ITGA8: variants seen among roughly 807,000 people sequenced by gnomAD.
The protein encoded by ITGA8 is integrin subunit alpha 8.
A neutral mutation model predicts 142.3 loss-of-function variants in ITGA8; 91 were observed. The ratio of observed to expected loss-of-function variants is 0.64; its 90% confidence interval spans 0.54 to 0.76. The LOEUF is 0.76. ITGA8 is among the 30% of genes least tolerant of loss of function. The pLI is 0.00. For missense variants in ITGA8, 1,406 were observed against 1,327.7 expected, an observed-to-expected ratio of 1.06 and a Z score of -0.92; for synonymous variants, 505 against 485.2, an observed-to-expected ratio of 1.04 and a Z score of -0.54.
chr10:15,678,904 G>A, intron 4 of ITGA8, 121 bp from the exon 5 acceptor site: 1 of 534,786 alleles, frequency 1.9e-6, no homozygotes, highest in South Asian at 3.4e-5. Context: ...TGATCAATAT[G>A]TGTTTTATGT....
At chr10:15,610,663 G>A (rs765409237) in intron 15 of ITGA8, among the ~76,000 whole-genome samples, 8 of 152,168 alleles carry the variant, frequency 5.3e-5, no homozygotes, top group African/African-American at 1.2e-4. Context: ...ATGATTCTGC[G>A]TTGTGACTGT....
chr10:15,594,138 C>T (rs942312655), intron 21 of ITGA8, among the ~76,000 whole-genome samples: 8 of 152,058 alleles, frequency 5.3e-5, no homozygotes, highest in Non-Finnish European at 1.2e-4. Context: ...AAGGGCCCGG[C>T]CGGATGAATT....
chr10:15,536,330 C>A (rs1833436905), intron 27 of ITGA8, among the ~76,000 whole-genome samples: 2 of 152,108 alleles, frequency 1.3e-5, no homozygotes, highest in African/African-American at 2.4e-5. Flanking sequence ...AAAGAATGCT[C>A]TGGAGCTCCA....
At chr10:15,656,782 C>T (rs548241832) in intron 10 of ITGA8, among the ~76,000 whole-genome samples, 1 of 152,252 alleles carries the variant, frequency 6.6e-6, no homozygotes, top group African/African-American at 2.4e-5. Context: ...AGTTTGCTTC[C>T]ATAGTGTGCC....
chr10:15,575,042 C>T (rs1036409957), intron 24 of ITGA8, among the ~76,000 whole-genome samples: 1 of 152,078 alleles, frequency 6.6e-6, no homozygotes, highest in Non-Finnish European at 1.5e-5. Context: ...CCACTACACC[C>T]CACTGCAGTA....
chr10:15,668,659 G>GCA (rs1554784895), intron 8 of ITGA8, among the ~76,000 whole-genome samples: 2 of 151,938 alleles, frequency 1.3e-5, no homozygotes, highest in Non-Finnish European at 2.9e-5. Flanking sequence ...GGCTGGTACT[G>GCA]GTTGTTCCTT....
chr10:15,629,036 A>G (rs1333495677), intron 13 of ITGA8, among the ~76,000 whole-genome samples: 1 of 151,886 alleles, frequency 6.6e-6, no homozygotes, highest in Non-Finnish European at 1.5e-5. Flanking sequence ...GTAACAAAAG[A>G]GAATTTAGGT....
chr10:15,690,865 TA>T (rs1834921292), intron 2 of ITGA8, among the ~76,000 whole-genome samples: 1 of 150,924 alleles, frequency 6.6e-6, no homozygotes. Context: ...ACCAATCCCC[TA>T]AAAAGCTTTT....
intron 25 of ITGA8, among the ~76,000 whole-genome samples, chr10:15,571,700 C>G (rs1010975373): frequency 5.9e-5 from 9 of 152,162 alleles, no homozygotes; most frequent in African/African-American, 1.7e-4. Context: ...AAGCACGGCT[C>G]TAGGCTTTAA....
intron 22 of ITGA8, 125 bp downstream of exon 22, chr10:15,592,100 T>G (rs1832933149): frequency 1.7e-6 from 1 of 582,952 alleles, no homozygotes; most frequent in South Asian, 2.7e-5. Flanking sequence ...AAATGGGCTG[T>G]GAAAGTCTGG....
chr10:15,528,105 G>T (rs958733907), intron 28 of ITGA8, among the ~76,000 whole-genome samples: 4 of 151,568 alleles, frequency 2.6e-5, no homozygotes, highest in Non-Finnish European at 5.9e-5. Flanking sequence ...TGTTGTTGTT[G>T]TTTGTTTGTT....
chr10:15,623,601 G>A (rs1367255553), intron 13 of ITGA8, among the ~76,000 whole-genome samples: 1 of 152,104 alleles, frequency 6.6e-6, no homozygotes, highest in Non-Finnish European at 1.5e-5. Context: ...CAGGGGAATC[G>A]CTTGAACCCA....
intron 28 of ITGA8, among the ~76,000 whole-genome samples, chr10:15,521,041 C>CA (rs1833057419): frequency 1.3e-5 from 2 of 152,110 alleles, no homozygotes; most frequent in South Asian, 4.1e-4. Context: ...TTTTGTGAGA[C>CA]AGTGTCTCAC....
intron 13 of ITGA8, among the ~76,000 whole-genome samples, chr10:15,621,055 C>T (rs1460585521): frequency 1.3e-5 from 2 of 152,060 alleles, no homozygotes; most frequent in African/African-American, 4.8e-5. Flanking sequence ...TTTGAGATAA[C>T]GGGTCTGATA....
chr10:15,588,509 G>T (rs1832870559), intron 22 of ITGA8, among the ~76,000 whole-genome samples: 1 of 152,112 alleles, frequency 6.6e-6, no homozygotes, highest in Non-Finnish European at 1.5e-5. Flanking sequence ...CCATTAAGAA[G>T]TAATTAAGTA....
chr10:15,517,075 C>T lies in ITGA8; in HGVS notation c.*83G>A, dbSNP rs531468585. 2.7e-5 allele frequency: 27 copies of T among 994,884 alleles called. No individual in the cohort carries two copies. The African/African-American group carries it at 4.5e-4, about 16-fold the overall frequency. 61.6% of individuals were successfully genotyped at this position (994,884 alleles called of 1,614,324 possible). A position where few individuals can be genotyped will look rare whatever the true frequency, so the allele number is the denominator to read the frequency against. On this transcript the variant is annotated 3_prime_UTR_variant, in exon 30 of 30. Transcript: ENST00000378076. ...TGGGTCACTGTCAGGTATCAGAAAG[C>T]TTTGATTTTTAACCCTCATGTTCTT... is the stretch of plus-strand genomic sequence containing the variant.
At chr10:15,686,721 A>G (rs1344153394) in intron 3 of ITGA8, among the ~76,000 whole-genome samples, 3 of 152,214 alleles carry the variant, frequency 2.0e-5, no homozygotes, top group Admixed American at 6.5e-5. Flanking sequence ...CACTCAAAAA[A>G]TTTAGCTTGA....
In ITGA8 at chr10:15,533,261, A is replaced by C. The variant is rs183901545; in HGVS notation, c.2881-2110T>G. Among the ~76,000 whole-genome samples the C allele has an allele frequency of 5.1e-3, 770 of 152,354 alleles. 3 individuals carry two copies. Among genetic ancestry groups the C allele is most frequent in the Non-Finnish European group, 8.6e-3 (587 of 68,034 alleles). Reference sequence around the variant, plus strand: ...GTAACTTTTATATACTTAAAGTTACAATATCTTTGAATGTTTCTTTCTACT... The same window carrying C: ...GTAACTTTTATATACTTAAAGTTACCATATCTTTGAATGTTTCTTTCTACT... On this transcript the variant is annotated intron_variant, in intron 27 of 29. Transcript: ENST00000378076.
In ITGA8 at chr10:15,719,695, G is replaced by T; in HGVS notation, c.77C>A (p.Ala26Glu). 1 of 1,459,922 alleles carries T rather than the reference G, an allele frequency of 6.8e-7. No homozygotes were observed. The allele number at this position is 1,459,922 out of a possible 1,614,324, so 90.4% of individuals were successfully genotyped here. The part of the protein sequence containing the change: ...LIAPLCCAAA[A>E]LGMLLWSPAC... Reference sequence around the variant, plus strand: ...GGGGGACCACAGCAACATCCCCAGCGCGGCCGCGGCGCAGCAGAGGGGCGC... The same window carrying T: ...GGGGGACCACAGCAACATCCCCAGCTCGGCCGCGGCGCAGCAGAGGGGCGC... Residue 26 changes from alanine (A) to glutamate (E), a missense_variant, in exon 1 of 30, where the codon GCG becomes GAG. Ala to Glu is a moderately radical substitution (Grantham distance 107). Coordinates refer to ENST00000378076, the MANE Select transcript of ITGA8 (RefSeq NM_003638.3).
Sources: allele counts gnomAD v4.1 joint callset (sites outside exome capture counted in the v4.1 genomes callset), GRCh38; gene constraint gnomAD v4.1.1; transcripts MANE v1.5; gene names NCBI Gene and HGNC (gene_info 2026-07-23, HGNC 2026-07-21).